The following CSMD1 variants were observed in gnomAD, a reference collection of about 807,000 sequenced individuals.
CSMD1 encodes the protein CUB and sushi domain-containing protein 1.
CSMD1 carries 213 observed loss-of-function variants against 417.5 expected under a neutral mutation model. The ratio of observed to expected loss-of-function variants is 0.51; its 90% CI spans 0.46 to 0.57. The LOEUF (loss-of-function observed/expected upper bound fraction) is 0.57. CSMD1 is among the 20% of genes least tolerant of loss of function. The probability of loss-of-function intolerance (pLI) is 0.00; values close to 1 mark genes in which losing one functional copy is unlikely to be tolerated. For synonymous variants in CSMD1, 2,862 were observed against 1,736.8 expected (o/e 1.65, Z -16.11); for missense variants, 6,923 against 4,529.7 (o/e 1.53, Z -15.17).
intron 10 of CSMD1, among the ~76,000 whole-genome samples, chr8:3,526,326 T>TG (rs1554455067): frequency 5.9e-5 from 9 of 152,258 alleles, no homozygotes; most frequent in African/African-American, 2.2e-4. Flanking sequence ...TATTTTTTTT[T>TG]TGTGGAAATT....
At position 3,439,310 on chromosome 8, in the gene CSMD1, T is replaced by TATATATATA. The variant is rs1491240170; in HGVS notation, c.1561+29401_1561+29402insTATATATAT. ...ATATATATATATATATATATATATA[T>TATATATATA]TTTTTTTTTTAATATGTATTTTTAA... On this transcript the variant is annotated intron_variant, in intron 12 of 69. Coordinates refer to ENST00000635120, the MANE Select transcript of CSMD1 (RefSeq NM_033225.6). 6.5e-4 allele frequency among the ~76,000 whole-genome samples: 13 copies of TATATATATA among 20,102 alleles called. No individual in the cohort carries two copies. In the East Asian group the frequency reaches 6.7e-3, roughly 10 times the overall value. 13.2% of individuals were successfully genotyped at this position (20,102 alleles called of 152,430 possible). A position where few individuals can be genotyped will look rare whatever the true frequency, so the allele number is the denominator to read the frequency against.
chr8:3,379,696 T>C (rs1012171515), intron 18 of CSMD1, among the ~76,000 whole-genome samples: 2 of 152,214 alleles, frequency 1.3e-5, no homozygotes, highest in Admixed American at 6.5e-5. Context: ...GCTAGCCATA[T>C]GCAGAAAACT....
chr8:3,961,699 G>T (rs911202739), intron 5 of CSMD1, among the ~76,000 whole-genome samples: 1 of 152,124 alleles, frequency 6.6e-6, no homozygotes, highest in Non-Finnish European at 1.5e-5. Context: ...AAAAGAAAAA[G>T]ATTGCTGCGA....
intron 3 of CSMD1, among the ~76,000 whole-genome samples, chr8:4,236,646 G>C (rs956330440): frequency 5.3e-5 from 8 of 152,272 alleles, no homozygotes; most frequent in Middle Eastern, 6.8e-3. Context: ...CAAAATCAAT[G>C]TTAAAATAAT....
intron 2 of CSMD1, among the ~76,000 whole-genome samples, chr8:4,448,136 A>ATG (rs1452944478): frequency 1.3e-5 from 2 of 152,154 alleles, no homozygotes; most frequent in Non-Finnish European, 2.9e-5. Context: ...ACTTTTACCA[A>ATG]TGTGTATCGC....
intron 6 of CSMD1, among the ~76,000 whole-genome samples, chr8:3,751,537 A>G (rs1324694004): frequency 6.7e-6 from 1 of 150,000 alleles, no homozygotes; most frequent in Non-Finnish European, 1.5e-5. Context: ...AATATATACA[A>G]GAATGAAGTG....
Position 3,409,591 on chromosome 8 carries a change from C to T in CSMD1, c.1576G>A (p.Gly526Arg), listed in dbSNP as rs766526231. 1.3e-6 allele frequency: 2 copies of T among 1,589,830 alleles called. No individual in the cohort carries two copies. The highest frequency in any genetic ancestry group is 8.6e-7 in the Non-Finnish European group (1 of 1,166,020). The change falls in exon 13 of 70, where the codon GGG becomes AGG. Residue 526 changes from glycine to arginine, a missense_variant. Coordinates refer to ENST00000635120, the MANE Select transcript of CSMD1 (RefSeq NM_033225.6). The stretch of plus-strand genomic sequence containing the variant: ...GCGGGGATTCCAGGATCCCCACACC[C>T]TCCCTTTTCAATTTCTGAAAATGGA... Reference protein sequence around the residue: ...KAVYQEIEKGGCGDPGIPAYG... With the variant: ...KAVYQEIEKGRCGDPGIPAYG...
intron 10 of CSMD1, among the ~76,000 whole-genome samples, chr8:3,543,161 C>A (rs1798515048): frequency 6.6e-6 from 1 of 152,174 alleles, no homozygotes; most frequent in African/African-American, 2.4e-5. Context: ...AAAGTCAATA[C>A]CCTGAGACCC....
chr8:4,120,675 G>T (rs1282995761), intron 3 of CSMD1, among the ~76,000 whole-genome samples: 1 of 152,222 alleles, frequency 6.6e-6, no homozygotes, highest in African/African-American at 2.4e-5. Flanking sequence ...GACTTTTAAA[G>T]AAGTAAGTTT....
intron 10 of CSMD1, among the ~76,000 whole-genome samples, chr8:3,524,432 T>C (rs985633881): frequency 1.4e-5 from 2 of 143,122 alleles, no homozygotes; most frequent in East Asian, 2.2e-4. Context: ...CAGACACATC[T>C]GCATCTGCAC....
chr8:2,980,921 T>C (rs1654422709), intron 54 of CSMD1, among the ~76,000 whole-genome samples: 1 of 152,206 alleles, frequency 6.6e-6, no homozygotes, highest in Non-Finnish European at 1.5e-5. Flanking sequence ...AAGCAATAAA[T>C]ATTCCTTGAG....
intron 5 of CSMD1, among the ~76,000 whole-genome samples, chr8:3,797,512 T>C (rs1382458363): frequency 6.6e-6 from 1 of 151,968 alleles, no homozygotes; most frequent in Non-Finnish European, 1.5e-5. Context: ...TTTATATAAA[T>C]GGAATTATAT....
intron 2 of CSMD1, among the ~76,000 whole-genome samples, chr8:4,449,608 C>T (rs979527655): frequency 6.6e-6 from 1 of 152,176 alleles, no homozygotes; most frequent in Non-Finnish European, 1.5e-5. Context: ...TCAATATTCA[C>T]TGCTGTAGCC....
chr8:4,755,634 A>G (rs1811619683), intron 1 of CSMD1, among the ~76,000 whole-genome samples: 1 of 152,174 alleles, frequency 6.6e-6, no homozygotes, highest in Non-Finnish European at 1.5e-5. Flanking sequence ...TCCAGCCCCC[A>G]GAATCTGCCA....
At chr8:3,870,484 T>C (rs879882378) in intron 5 of CSMD1, among the ~76,000 whole-genome samples, 8 of 152,112 alleles carry the variant, frequency 5.3e-5, no homozygotes, top group East Asian at 1.9e-4. Flanking sequence ...AGAGTTGAAA[T>C]TGAGGGATTA....
chr8:4,264,311 A>G (rs1441279146), intron 3 of CSMD1, among the ~76,000 whole-genome samples: 1 of 152,204 alleles, frequency 6.6e-6, no homozygotes, highest in Non-Finnish European at 1.5e-5. Flanking sequence ...TTCAAAAAGC[A>G]TGACATTCAA....
chr8:3,710,911 G>C (rs1801472024), intron 6 of CSMD1, among the ~76,000 whole-genome samples: 1 of 152,134 alleles, frequency 6.6e-6, no homozygotes, highest in Non-Finnish European at 1.5e-5. Context: ...AGGAGGGCAG[G>C]GCTGCAGGAG....
intron 21 of CSMD1, among the ~76,000 whole-genome samples, chr8:3,356,750 G>C (rs1808821611): frequency 1.3e-5 from 2 of 152,202 alleles, no homozygotes. Context: ...TATAGAAAGA[G>C]CCCTGGTGCT....
intron 2 of CSMD1, among the ~76,000 whole-genome samples, chr8:4,543,686 A>AG (rs1314605979): frequency 2.7e-5 from 4 of 149,958 alleles, no homozygotes; most frequent in African/African-American, 4.9e-5. Flanking sequence ...AAAAAAAAAA[A>AG]AAAAAAAAAA....
Sources: allele counts gnomAD v4.1 joint callset (sites outside exome capture counted in the v4.1 genomes callset), GRCh38; gene constraint gnomAD v4.1.1; transcripts MANE v1.5; gene names NCBI Gene and HGNC (gene_info 2026-07-23, HGNC 2026-07-21).